ZNF536: variants seen among roughly 807,000 people sequenced by gnomAD.
ZNF536 encodes the protein zinc finger protein 536.
ZNF536 carries 13 observed loss-of-function variants against 84.5 expected under a neutral mutation model. The ratio of observed to expected loss-of-function variants is 0.15; its 90% CI spans 0.10 to 0.24. The LOEUF is 0.24. Among genes scored for constraint, ZNF536 ranks in the 10% least tolerant of loss-of-function variants. The probability of loss-of-function intolerance (pLI) is 1.00; values close to 1 mark genes in which losing one functional copy is unlikely to be tolerated. For synonymous variants in ZNF536, 811 were observed against 742.5 expected (o/e 1.09, Z -1.50); for missense variants, 1,536 against 1,747.5 (o/e 0.88, Z 2.16).
chr19:30,697,457 C>T (rs757351874), intron 1 of ZNF536, among the ~76,000 whole-genome samples: 19 of 152,236 alleles, frequency 1.2e-4, no homozygotes, highest in Non-Finnish European at 2.6e-4. Flanking sequence ...ACAGCCTTTT[C>T]TAGCAGACAT....
intron 1 of ZNF536, among the ~76,000 whole-genome samples, chr19:30,630,528 G>A (rs777613586): frequency 6.6e-5 from 10 of 152,150 alleles, no homozygotes; most frequent in African/African-American, 1.7e-4. Context: ...AGGAGACCCC[G>A]GGCAGGAACA....
At chr19:30,311,118 G>A (rs1034251471) in intron 2 of ZNF536, among the ~76,000 whole-genome samples, 1 of 152,166 alleles carries the variant, frequency 6.6e-6, no homozygotes, top group Non-Finnish European at 1.5e-5. Context: ...CACTGGCGCT[G>A]CTCATGCCTC....
chr19:30,571,811 G>T (rs1347948508), intron 1 of ZNF536, among the ~76,000 whole-genome samples: 1 of 152,050 alleles, frequency 6.6e-6, no homozygotes, highest in African/African-American at 2.4e-5. Flanking sequence ...GGCCTACATT[G>T]GGCCCTCCAT....
intron 2 of ZNF536, among the ~76,000 whole-genome samples, chr19:30,479,475 G>T (rs976306917): frequency 1.3e-5 from 2 of 152,250 alleles, no homozygotes; most frequent in Non-Finnish European, 2.9e-5. Flanking sequence ...AAGGAGACAG[G>T]AATTGCTAGT....
chr19:30,251,956 T>C (rs1199237694), intron 1 of ZNF536, among the ~76,000 whole-genome samples: 1 of 152,122 alleles, frequency 6.6e-6, no homozygotes, highest in Non-Finnish European at 1.5e-5. Context: ...CACATATATA[T>C]ATATAGAAAA....
At chr19:30,382,699 G>A (rs897874710) in intron 1 of ZNF536, among the ~76,000 whole-genome samples, 1 of 152,100 alleles carries the variant, frequency 6.6e-6, no homozygotes, top group Middle Eastern at 3.2e-3. Context: ...GTATGGCTTG[G>A]CTTGGCAGAA....
intron 1 of ZNF536, among the ~76,000 whole-genome samples, chr19:30,619,723 A>G (rs558078534): frequency 1.3e-5 from 2 of 152,256 alleles, no homozygotes; most frequent in African/African-American, 4.8e-5. Context: ...GTCTGTCTAT[A>G]TTTATTAATT....
intron 4 of ZNF536, among the ~76,000 whole-genome samples, chr19:30,550,677 C>T (rs937221986): frequency 6.6e-6 from 1 of 152,138 alleles, no homozygotes; most frequent in Non-Finnish European, 1.5e-5. Context: ...TTTTGAACCT[C>T]AACATCCTGT....
intron 2 of ZNF536, among the ~76,000 whole-genome samples, chr19:30,327,144 T>TA (rs1261169473): frequency 1.3e-5 from 2 of 152,156 alleles, no homozygotes; most frequent in African/African-American, 4.8e-5. Context: ...AATTCATTAA[T>TA]AAAAATAAAA....
intron 2 of ZNF536, among the ~76,000 whole-genome samples, chr19:30,287,827 G>A (rs193285010): frequency 5.3e-4 from 81 of 152,114 alleles, no homozygotes; most frequent in African/African-American, 1.7e-3. Context: ...ATGGATGGAT[G>A]GATGAATGGA....
At chr19:30,595,344 G>C (rs2047424803) in intron 1 of ZNF536, among the ~76,000 whole-genome samples, 1 of 152,090 alleles carries the variant, frequency 6.6e-6, no homozygotes, top group African/African-American at 2.4e-5. Flanking sequence ...CTGGAGTACA[G>C]TGTTGACATC....
intron 1 of ZNF536, among the ~76,000 whole-genome samples, chr19:30,608,866 A>G (rs751589676): frequency 2.8e-4 from 43 of 152,226 alleles, no homozygotes; most frequent in Non-Finnish European, 5.3e-4. Flanking sequence ...CATGGGAATC[A>G]GAATGTTGCC....
At chr19:30,363,337 A>G (rs1161743239) in intron 3 of ZNF536, among the ~76,000 whole-genome samples, 1 of 152,134 alleles carries the variant, frequency 6.6e-6, no homozygotes, top group Non-Finnish European at 1.5e-5. Context: ...TGACCCCTTG[A>G]GTTTTCTCAG....
intron 2 of ZNF536, among the ~76,000 whole-genome samples, chr19:30,464,028 T>C (rs1043312122): frequency 7.9e-5 from 12 of 152,320 alleles, no homozygotes; most frequent in African/African-American, 2.6e-4. Context: ...CTCCCTCCTG[T>C]TGAAGTTCAC....
intron 2 of ZNF536, among the ~76,000 whole-genome samples, chr19:30,332,842 AG>A (rs1430621417): frequency 5.3e-5 from 8 of 152,198 alleles, no homozygotes; most frequent in Non-Finnish European, 1.0e-4. Flanking sequence ...GCACTTTGGA[AG>A]GCCAAGATGG....
At chr19:30,646,750 A>G (rs1274820702) in intron 1 of ZNF536, among the ~76,000 whole-genome samples, 2 of 152,058 alleles carry the variant, frequency 1.3e-5, no homozygotes, top group African/African-American at 4.8e-5. Flanking sequence ...ATCCTTTCCA[A>G]TGTTATTGCC....
intron 1 of ZNF536, among the ~76,000 whole-genome samples, chr19:30,236,791 G>A (rs921067536): frequency 5.9e-5 from 9 of 152,306 alleles, no homozygotes; most frequent in African/African-American, 2.2e-4. Context: ...GGATGTAACG[G>A]ATGGTGATAT....
intron 2 of ZNF536, among the ~76,000 whole-genome samples, chr19:30,312,750 ATAATAGGG>A (rs1163991648): frequency 2.0e-5 from 3 of 152,176 alleles, no homozygotes; most frequent in Non-Finnish European, 4.4e-5. Flanking sequence ...ATGCAGTTGT[ATAATAGGG>A]TATGGTCTTC....
chr19:30,627,468 CAAAAAAAAAAAAAAAA>C (rs569312789), intron 1 of ZNF536, among the ~76,000 whole-genome samples: 75 of 52,050 alleles, frequency 1.4e-3, no homozygotes, highest in African/African-American at 5.8e-3. Context: ...AAGGCCCTGT[CAAAAAAAAAAAAAAAA>C]AAAAAAAAAA....
Sources: allele counts gnomAD v4.1 joint callset (sites outside exome capture counted in the v4.1 genomes callset), GRCh38; gene constraint gnomAD v4.1.1; transcripts MANE v1.5; gene names NCBI Gene and HGNC (gene_info 2026-07-23, HGNC 2026-07-21).